B3GALT1: variants seen among roughly 807,000 people sequenced by gnomAD.
The protein encoded by B3GALT1 is beta-1,3-galactosyltransferase 1.
In B3GALT1, 10 loss-of-function variants were observed where a neutral mutation model predicts 23.2. The observed-to-expected ratio is 0.43, with a 90% CI of 0.27 to 0.73. The LOEUF (loss-of-function observed/expected upper bound fraction) is 0.73, where lower values mean the gene tolerates loss of function less well. Among genes scored for constraint, B3GALT1 ranks in the 30% least tolerant of loss-of-function variants. The pLI, the probability that B3GALT1 is intolerant of heterozygous loss-of-function variation, is 0.21. For synonymous variants in B3GALT1, 156 were observed against 141.5 expected (o/e 1.10, Z -0.73); for missense variants, 299 against 405.4 (o/e 0.74, Z 2.25).
In B3GALT1 at chr2:167,659,937, G is replaced by A. The variant is rs187610055; in HGVS notation, c.-352+12971G>A. Reference sequence around the variant, plus strand: ...TTTCCCCCAATTCCAGAACTGATTCGTATTCAATTCAAATTTTTATCCCAG... The same window carrying A: ...TTTCCCCCAATTCCAGAACTGATTCATATTCAATTCAAATTTTTATCCCAG... On this transcript the variant is annotated intron_variant, in intron 3 of 4. Transcript: ENST00000392690. Among the ~76,000 whole-genome samples, 65 of 152,036 alleles carry A rather than the reference G, an allele frequency of 4.3e-4. No homozygotes were observed. The South Asian group carries it at 7.7e-3, about 18-fold the overall frequency.
chr2:167,569,109 T>C (rs879753312), intron 2 of B3GALT1, among the ~76,000 whole-genome samples: 1 of 151,990 alleles, frequency 6.6e-6, no homozygotes, highest in African/African-American at 2.4e-5. Flanking sequence ...AATACCACAT[T>C]ATCTTGATTA....
At chr2:167,387,012 C>CATCATATCATATCATATATCAT (rs564368031) in intron 1 of B3GALT1, among the ~76,000 whole-genome samples, 14 of 151,120 alleles carry the variant, frequency 9.3e-5, no homozygotes, top group African/African-American at 3.5e-4. Context: ...TAGGTAGTCT[C>CATCATATCATATCATATATCAT]ATCATATCAT....
At chr2:167,483,716 T>G (rs1699588521) in intron 1 of B3GALT1, among the ~76,000 whole-genome samples, 1 of 152,178 alleles carries the variant, frequency 6.6e-6, no homozygotes, top group Non-Finnish European at 1.5e-5. Context: ...TATATATAAT[T>G]TATAGCCTTG....
intron 3 of B3GALT1, among the ~76,000 whole-genome samples, chr2:167,648,098 G>T (rs1487136136): frequency 2.0e-5 from 3 of 151,986 alleles, no homozygotes; most frequent in Non-Finnish European, 4.4e-5. Flanking sequence ...TTCAGTCTCA[G>T]TGTAATCATC....
chr2:167,719,201 C>T (rs1687195000), intron 3 of B3GALT1, among the ~76,000 whole-genome samples: 1 of 152,122 alleles, frequency 6.6e-6, no homozygotes, highest in African/African-American at 2.4e-5. Flanking sequence ...AGCTTCATGA[C>T]TATAATTTTC....
chr2:167,673,899 C>T (rs1323706230), intron 3 of B3GALT1, among the ~76,000 whole-genome samples: 1 of 151,944 alleles, frequency 6.6e-6, no homozygotes, highest in African/African-American at 2.4e-5. Context: ...CATTGCTGAA[C>T]AAAGATATAA....
At chr2:167,478,645 C>T (rs946230143) in intron 1 of B3GALT1, among the ~76,000 whole-genome samples, 1 of 151,614 alleles carries the variant, frequency 6.6e-6, no homozygotes, top group Non-Finnish European at 1.5e-5. Context: ...TATACATGTG[C>T]CATGTTGGTG....
intron 3 of B3GALT1, among the ~76,000 whole-genome samples, chr2:167,767,655 T>G (rs910163330): frequency 6.6e-6 from 1 of 152,218 alleles, no homozygotes; most frequent in African/African-American, 2.4e-5. Flanking sequence ...TTTGTTAATG[T>G]GTCAGGTACG....
Position 167,714,511 on chromosome 2 carries a change from T to C in B3GALT1, c.-352+67545T>C, listed in dbSNP as rs566554572. ...GCTGACCCAACGGTGAGGGACCATATGGCGAACGCTCTCTGCCAAATGTTG... is the reference window on the plus strand; with the variant it reads ...GCTGACCCAACGGTGAGGGACCATACGGCGAACGCTCTCTGCCAAATGTTG... On this transcript the variant is annotated intron_variant, in intron 3 of 4. Coordinates refer to ENST00000392690, the MANE Select transcript of B3GALT1 (RefSeq NM_020981.4). 340 of 1,611,248 alleles carry C rather than the reference T, an allele frequency of 2.1e-4. 2 individuals are homozygous for C. In the African/African-American group the frequency reaches 3.1e-3, roughly 15 times the overall value.
At position 167,406,562 on chromosome 2, in the gene B3GALT1, A is replaced by T. The variant is rs114134530; in HGVS notation, c.-510-83615A>T. Among the ~76,000 whole-genome samples, 774 of 152,280 alleles carry T rather than the reference A, an allele frequency of 5.1e-3. 8 individuals are homozygous for T. The highest frequency in any genetic ancestry group is 0.018 in the African/African-American group (741 of 41,552). ...CACAGTTTATGTACTTGAAAAAGTG[A>T]GATTGAGATGGTCAGCCGGCTTCCC... On this transcript the variant is annotated intron_variant, in intron 1 of 4. Transcript: ENST00000392690.
intron 1 of B3GALT1, among the ~76,000 whole-genome samples, chr2:167,341,404 G>A (rs1227156421): frequency 6.6e-6 from 1 of 152,192 alleles, no homozygotes; most frequent in Admixed American, 6.5e-5. Flanking sequence ...GCTCATACCT[G>A]TAATCCCAGC....
intron 3 of B3GALT1, among the ~76,000 whole-genome samples, chr2:167,736,091 A>G (rs1687487699): frequency 6.6e-6 from 1 of 152,212 alleles, no homozygotes; most frequent in Non-Finnish European, 1.5e-5. Context: ...CAAGTCACAG[A>G]GCTAGTGGGT....
intron 1 of B3GALT1, among the ~76,000 whole-genome samples, chr2:167,346,630 T>C (rs1366575432): frequency 1.3e-5 from 2 of 152,168 alleles, no homozygotes; most frequent in African/African-American, 2.4e-5. Context: ...ATATTACAGT[T>C]ATCGTAAGTT....
chr2:167,610,920 AAAAAAAAG>A (rs1418257680), intron 2 of B3GALT1, among the ~76,000 whole-genome samples: 10 of 150,474 alleles, frequency 6.6e-5, no homozygotes, highest in Admixed American at 5.3e-4. Context: ...CAAAAAAAAA[AAAAAAAAG>A]AGAGAGAGAG....
intron 3 of B3GALT1, among the ~76,000 whole-genome samples, chr2:167,711,469 G>T (rs964511211): frequency 6.6e-6 from 1 of 152,166 alleles, no homozygotes; most frequent in African/African-American, 2.4e-5. Context: ...ACGGTCCTCT[G>T]AGTCACTGAA....
At chr2:167,670,277 C>T (rs1686300400) in intron 3 of B3GALT1, among the ~76,000 whole-genome samples, 1 of 152,126 alleles carries the variant, frequency 6.6e-6, no homozygotes. Flanking sequence ...CCTAGCTTTT[C>T]AGGATTTAGA....
intron 3 of B3GALT1, among the ~76,000 whole-genome samples, chr2:167,673,032 TA>T (rs61070688): frequency 1.0e-3 from 141 of 141,486 alleles, no homozygotes; most frequent in African/African-American, 2.5e-3. Flanking sequence ...AGGTGCAAAA[TA>T]AAAAAAAAAG....
chr2:167,788,306 A>G (rs557922650), intron 3 of B3GALT1, among the ~76,000 whole-genome samples: 1 of 152,170 alleles, frequency 6.6e-6, no homozygotes, highest in Non-Finnish European at 1.5e-5. Flanking sequence ...GAGATGATTC[A>G]AGCACATTAC....
At chr2:167,664,460 T>C (rs1252945447) in intron 3 of B3GALT1, among the ~76,000 whole-genome samples, 80 of 152,024 alleles carry the variant, frequency 5.3e-4, no homozygotes, top group East Asian at 2.1e-3. Flanking sequence ...TTTTTGGTTC[T>C]ATATGAACTT....
Sources: gnomAD v4.1 joint callset for allele counts (sites outside exome capture counted in the v4.1 genomes callset) on GRCh38, gnomAD v4.1.1 for gene constraint, MANE v1.5 for transcripts, NCBI Gene and HGNC (gene_info 2026-07-23, HGNC 2026-07-21) for gene names.